The following PRKCH variants were observed in gnomAD, a reference collection of about 807,000 sequenced individuals.
The protein encoded by PRKCH is protein kinase C eta type.
In PRKCH, 28 loss-of-function variants were observed where a neutral mutation model predicts 82.5. The ratio of observed to expected loss-of-function variants is 0.34; its 90% CI spans 0.25 to 0.47. The LOEUF (loss-of-function observed/expected upper bound fraction) is 0.47. Among genes scored for constraint, PRKCH ranks in the 20% least tolerant of loss-of-function variants. The probability of loss-of-function intolerance (pLI) is 1.00; values close to 1 mark genes in which losing one functional copy is unlikely to be tolerated. For missense variants in PRKCH, 705 were observed against 881.8 expected (o/e 0.80, Z 2.54); for synonymous variants, 322 against 327.4 (o/e 0.98, Z 0.18).
At chr14:61,286,146 A>G (rs2045311875) in intron 1 of PRKCH, among the ~76,000 whole-genome samples, 1 of 152,224 alleles carries the variant, frequency 6.6e-6, no homozygotes, top group South Asian at 2.1e-4. Context: ...TTTAATTGGC[A>G]TTCCCTTATA....
chr14:61,352,709 A>AGAAAGAAAGAAG (rs2046097934), intron 1 of PRKCH, among the ~76,000 whole-genome samples: 1 of 151,202 alleles, frequency 6.6e-6, no homozygotes, highest in East Asian at 2.0e-4. Flanking sequence ...AAAGAAAGAA[A>AGAAAGAAAGAAG]GAAAGAAAGA....
At chr14:61,331,597 C>G (rs2045789942) in intron 1 of PRKCH, among the ~76,000 whole-genome samples, 1 of 152,202 alleles carries the variant, frequency 6.6e-6, no homozygotes. Context: ...TAGGGGAACA[C>G]TGTACTTTAA....
chr14:61,242,262 G>T (rs2044845740), intron 1 of PRKCH, among the ~76,000 whole-genome samples: 1 of 152,112 alleles, frequency 6.6e-6, no homozygotes, highest in South Asian at 2.1e-4. Flanking sequence ...ACAGTGAATG[G>T]TCATACCTTA....
At chr14:61,218,225 T>C (rs2140050770) in intron 1 of PRKCH, among the ~76,000 whole-genome samples, 1 of 152,308 alleles carries the variant, frequency 6.6e-6, no homozygotes. Flanking sequence ...TCTGCCCCAC[T>C]CATCACAATC....
chr14:61,512,085 A>G (rs1258918526), intron 10 of PRKCH, among the ~76,000 whole-genome samples: 1 of 151,950 alleles, frequency 6.6e-6, no homozygotes, highest in Non-Finnish European at 1.5e-5. Context: ...TTCCTTTTCT[A>G]ATGGGAAAAT....
At chr14:61,464,181 C>G (rs1039880420) in intron 9 of PRKCH, among the ~76,000 whole-genome samples, 1 of 152,202 alleles carries the variant, frequency 6.6e-6, no homozygotes, top group Admixed American at 6.5e-5. Flanking sequence ...TACATTCCCA[C>G]CAACAGTGTA....
At chr14:61,478,950 G>T (rs948016769) in intron 9 of PRKCH, among the ~76,000 whole-genome samples, 1 of 152,078 alleles carries the variant, frequency 6.6e-6, no homozygotes, top group Non-Finnish European at 1.5e-5. Context: ...CTTTCTTAAG[G>T]CTATGCAAAA....
At chr14:61,308,463 C>T (rs2045498141) in intron 1 of PRKCH, among the ~76,000 whole-genome samples, 1 of 152,132 alleles carries the variant, frequency 6.6e-6, no homozygotes, top group Admixed American at 6.5e-5. Context: ...GCCCAAGTTT[C>T]ATCTTAGTAC....
chr14:61,406,975 C>T (rs1201567206), intron 2 of PRKCH, among the ~76,000 whole-genome samples: 3 of 151,666 alleles, frequency 2.0e-5, no homozygotes, highest in African/African-American at 7.3e-5. Context: ...TCATGACTTC[C>T]CGCATCCACT....
chr14:61,510,685 G>T (rs1269095511), intron 10 of PRKCH, among the ~76,000 whole-genome samples: 1 of 152,090 alleles, frequency 6.6e-6, no homozygotes, highest in Admixed American at 6.5e-5. Flanking sequence ...GGAGCCATCT[G>T]TCTAAGGGAA....
chr14:61,530,394 C>G lies in PRKCH; in HGVS notation c.1573-13C>G, dbSNP rs768192196. 51 of 1,514,432 alleles carry G rather than the reference C, an allele frequency of 3.4e-5. No individual in the cohort carries two copies. The highest frequency in any genetic ancestry group is 4.1e-5 in the Non-Finnish European group (46 of 1,123,746). The allele number at this position is 1,514,432 out of a possible 1,614,324, so 93.8% of individuals were successfully genotyped here. On this transcript the variant is annotated splice_polypyrimidine_tract_variant and intron_variant, in intron 11 of 13. Coordinates refer to ENST00000332981, the MANE Select transcript of PRKCH (RefSeq NM_006255.5). ...TGTATGAACCACCTTCTCACGCTGC[C>G]CCCTTTGCACAGATCCTCCAGGAAA... is the stretch of plus-strand genomic sequence containing the variant.
chr14:61,281,050 C>T, intron 1 of PRKCH: 2 of 1,525,266 alleles, frequency 1.3e-6, no homozygotes, highest in Non-Finnish European at 1.8e-6. Flanking sequence ...CAGCGCGATG[C>T]TGGCCGACAG....
chr14:61,387,758 A>G (rs2046610238), intron 1 of PRKCH, among the ~76,000 whole-genome samples: 1 of 152,262 alleles, frequency 6.6e-6, no homozygotes, highest in Non-Finnish European at 1.5e-5. Flanking sequence ...TTTTATATGT[A>G]TACAAAACTA....
chr14:61,528,855 T>C (rs1240072472), intron 10 of PRKCH: 2 of 390,022 alleles, frequency 5.1e-6, no homozygotes, highest in Non-Finnish European at 9.3e-6. Context: ...GGGCGCATCA[T>C]CTTGGAGCCA....
intron 12 of PRKCH, among the ~76,000 whole-genome samples, chr14:61,537,161 C>T (rs1294453898): frequency 4.6e-5 from 7 of 152,178 alleles, no homozygotes; most frequent in African/African-American, 1.2e-4. Flanking sequence ...CTGTCTTTCT[C>T]ATCTTTGCTT....
intron 1 of PRKCH, among the ~76,000 whole-genome samples, chr14:61,199,052 G>A (rs1470077527): frequency 6.6e-6 from 1 of 152,210 alleles, no homozygotes; most frequent in Middle Eastern, 3.4e-3. Context: ...TATCTGAAAG[G>A]AAACTGGAAT....
At chr14:61,319,930 T>C (rs981049853), upstream of PRKCH, among the ~76,000 whole-genome samples, 5 of 152,208 alleles carry the variant, frequency 3.3e-5, no homozygotes, top group Non-Finnish European at 7.3e-5. Flanking sequence ...TTCTGTATAG[T>C]GCTGTTATTA....
intron 1 of PRKCH, among the ~76,000 whole-genome samples, chr14:61,246,553 A>C (rs2044885140): frequency 6.6e-6 from 1 of 152,142 alleles, no homozygotes; most frequent in African/African-American, 2.4e-5. Flanking sequence ...TATCTCCCAC[A>C]GAACCATCAG....
chr14:61,364,110 C>T (rs1021846921), intron 1 of PRKCH, among the ~76,000 whole-genome samples: 3 of 150,500 alleles, frequency 2.0e-5, no homozygotes, highest in African/African-American at 4.9e-5. Flanking sequence ...TGGCCTCAGG[C>T]GATCCTCCTG....
Sources: allele counts gnomAD v4.1 joint callset (sites outside exome capture counted in the v4.1 genomes callset), GRCh38; gene constraint gnomAD v4.1.1; transcripts MANE v1.5; gene names NCBI Gene and HGNC (gene_info 2026-07-23, HGNC 2026-07-21).